Variants in TXNRD1 observed in about 807,000 individuals in gnomAD.
TXNRD1 encodes the protein thioredoxin reductase 1, cytoplasmic.
Under a neutral mutation model 80.3 loss-of-function variants are expected in TXNRD1, and 57 were observed. That is an observed-to-expected ratio of 0.71 (90% CI 0.57 to 0.89). The LOEUF is 0.89. Ranked by LOEUF, TXNRD1 falls within the 40% of genes least tolerant of loss-of-function variation. The pLI, the probability that TXNRD1 is intolerant of heterozygous loss-of-function variation, is 0.00. For missense variants in TXNRD1, 730 were observed against 803.0 expected, an observed-to-expected ratio of 0.91 and a Z score of 1.10; for synonymous variants, 291 against 285.2, an observed-to-expected ratio of 1.02 and a Z score of -0.20.
intron 4 of TXNRD1, among the ~76,000 whole-genome samples, chr12:104,310,901 G>A (rs2035110093): frequency 6.6e-6 from 1 of 152,118 alleles, no homozygotes; most frequent in Non-Finnish European, 1.5e-5. Context: ...TAAATATTTG[G>A]CTGGTCTTTT....
intron 15 of TXNRD1, among the ~76,000 whole-genome samples, chr12:104,336,999 C>T (rs562595270): frequency 1.2e-4 from 18 of 149,170 alleles, no homozygotes; most frequent in African/African-American, 4.4e-4. Flanking sequence ...ACTTTGAAGT[C>T]GAAGGGTCTC....
At chr12:104,297,027 G>C (rs1242274605) in intron 4 of TXNRD1, among the ~76,000 whole-genome samples, 1 of 152,110 alleles carries the variant, frequency 6.6e-6, no homozygotes, top group Non-Finnish European at 1.5e-5. Flanking sequence ...TGTCAGGCTG[G>C]GTGTGGTGGC....
intron 3 of TXNRD1, among the ~76,000 whole-genome samples, chr12:104,280,901 A>G (rs1440011546): frequency 6.6e-6 from 1 of 152,208 alleles, no homozygotes; most frequent in East Asian, 1.9e-4. Flanking sequence ...ATCTCTCTAT[A>G]TATACATGTA....
intron 1 of TXNRD1, among the ~76,000 whole-genome samples, chr12:104,234,635 A>AG (rs1262561310): frequency 9.6e-4 from 42 of 43,810 alleles, no homozygotes; most frequent in African/African-American, 1.9e-3. Flanking sequence ...TTTTAAAGTC[A>AG]GGGAAAAAAA....
chr12:104,285,131 G>A (rs1046821316), intron 3 of TXNRD1, among the ~76,000 whole-genome samples: 1 of 152,068 alleles, frequency 6.6e-6, no homozygotes, highest in Admixed American at 6.6e-5. Flanking sequence ...GCTGAGATGC[G>A]CCACTGCACT....
At chr12:104,319,662 G>T in intron 9 of TXNRD1, 77 bp downstream of exon 9, 1 of 1,083,182 alleles carries the variant, frequency 9.2e-7, no homozygotes, top group Non-Finnish European at 1.4e-6. Flanking sequence ...AACCCACTGC[G>T]TCAATTTCTT....
chr12:104,320,646 G>GT (rs777199543), intron 9 of TXNRD1, among the ~76,000 whole-genome samples: 5,593 of 145,742 alleles, frequency 0.038, 103 homozygotes, highest in Middle Eastern at 0.13. Context: ...GATATTGAAA[G>GT]TTTTTTTTTT....
intron 1 of TXNRD1, among the ~76,000 whole-genome samples, chr12:104,238,392 A>T (rs1004541147): frequency 1.3e-5 from 2 of 152,212 alleles, no homozygotes. Flanking sequence ...AACTAAATGG[A>T]TTGCACTCAG....
At chr12:104,240,935 G>T (rs978565302) in intron 1 of TXNRD1, among the ~76,000 whole-genome samples, 8 of 151,870 alleles carry the variant, frequency 5.3e-5, no homozygotes, top group African/African-American at 9.7e-5. Flanking sequence ...TAGAGATGGG[G>T]TTTCACCGTG....
chr12:104,314,865 C>G (rs760195347), intron 6 of TXNRD1, among the ~76,000 whole-genome samples: 9 of 151,288 alleles, frequency 5.9e-5, no homozygotes, highest in Non-Finnish European at 8.8e-5. Flanking sequence ...CCTCAGCCTC[C>G]TTAGTAGCTG....
In TXNRD1 at chr12:104,307,999, C is replaced by CT. The variant is rs11300166; in HGVS notation, c.415-3277dup. 3.2e-3 allele frequency among the ~76,000 whole-genome samples: 462 copies of CT among 143,260 alleles called. 1 individual carries two copies. The highest frequency in any genetic ancestry group is 5.1e-3 in the African/African-American group (199 of 39,182). The allele number at this position is 143,260 out of a possible 152,430, so 94.0% of individuals were successfully genotyped here. On this transcript the variant is annotated intron_variant, in intron 4 of 16. Transcript: ENST00000525566. ...TAAGATGCTGTTTGCCCTTTTCTTT[C>CT]TTTTTTTTTTTTTTGAGATGGAGTC...
chr12:104,227,141 GT>G (rs2032489829), intron 1 of TXNRD1, among the ~76,000 whole-genome samples: 1 of 152,020 alleles, frequency 6.6e-6, no homozygotes. Context: ...CTAGTGCAGT[GT>G]TTTATAACAA....
intron 2 of TXNRD1, among the ~76,000 whole-genome samples, chr12:104,254,644 A>ATAT (rs1555207848): frequency 3.2e-5 from 3 of 93,648 alleles, no homozygotes; most frequent in Non-Finnish European, 5.7e-5. Context: ...AAAAAAAAAA[A>ATAT]ATATATATAT....
rs1300119384 is a variant in TXNRD1, at chr12:104,349,709, G to GT, written c.*1292dup. On this transcript the variant is annotated 3_prime_UTR_variant, in exon 17 of 17. Transcript: ENST00000525566. ...TGTCTTTTCTAACTGTGTAGGTTGAGTTTTGAACACGTGCTTGTGGACATC... is the reference window on the plus strand; with the variant it reads ...TGTCTTTTCTAACTGTGTAGGTTGAGTTTTTGAACACGTGCTTGTGGACATC... The GT allele has an allele frequency of 2.4e-4, 37 of 152,550 alleles. No homozygotes were observed. Among genetic ancestry groups the GT allele is most frequent in the African/African-American group, 8.7e-4 (36 of 41,576 alleles). The allele number at this position is 152,550 out of a possible 1,614,324, so 9.4% of individuals were successfully genotyped here.
At chr12:104,299,904 A>AGAAAAGC (rs1472843506) in intron 4 of TXNRD1, among the ~76,000 whole-genome samples, 2 of 152,214 alleles carry the variant, frequency 1.3e-5, no homozygotes, top group African/African-American at 4.8e-5. Flanking sequence ...GTATGAAGGG[A>AGAAAAGC]GAAAAGCTGC....
intron 4 of TXNRD1, among the ~76,000 whole-genome samples, chr12:104,300,241 G>A (rs1178854436): frequency 6.6e-6 from 1 of 152,158 alleles, no homozygotes; most frequent in African/African-American, 2.4e-5. Context: ...GAAAATATAG[G>A]AGAAAAGGGT....
At chr12:104,284,798 C>A (rs889489514) in intron 3 of TXNRD1, among the ~76,000 whole-genome samples, 1 of 152,028 alleles carries the variant, frequency 6.6e-6, no homozygotes, top group African/African-American at 2.4e-5. Flanking sequence ...AGGACTAGGC[C>A]CTTAGGGAGG....
At chr12:104,277,991 C>T (rs1267196344) in intron 3 of TXNRD1, among the ~76,000 whole-genome samples, 1 of 151,390 alleles carries the variant, frequency 6.6e-6, no homozygotes, top group Non-Finnish European at 1.5e-5. Flanking sequence ...ATTCTCCTGC[C>T]TCACCCTCCC....
At chr12:104,322,785 TTCC>T (rs2035585418) in intron 10 of TXNRD1, among the ~76,000 whole-genome samples, 1 of 151,912 alleles carries the variant, frequency 6.6e-6, no homozygotes, top group South Asian at 2.1e-4. Context: ...AAGTAACATC[TTCC>T]TATATACAAT....
Sources: allele counts gnomAD v4.1 joint callset (sites outside exome capture counted in the v4.1 genomes callset), GRCh38; gene constraint gnomAD v4.1.1; transcripts MANE v1.5; gene names NCBI Gene and HGNC (gene_info 2026-07-23, HGNC 2026-07-21).